Variants in PSMG2 observed in about 807,000 individuals in gnomAD.
PSMG2 encodes CD40 ligand-activated specific transcript 3.
PSMG2 carries 21 observed loss-of-function variants against 31.5 expected under a neutral mutation model. The ratio of observed to expected loss-of-function variants is 0.67; its 90% confidence interval spans 0.47 to 0.96. PSMG2 has a LOEUF of 0.96. Among genes scored for constraint, PSMG2 ranks in the 40% least tolerant of loss-of-function variants. The pLI is 0.00. For synonymous variants in PSMG2, 120 were observed against 110.4 expected, an observed-to-expected ratio of 1.09 and a Z score of -0.54; for missense variants, 318 against 321.2, an observed-to-expected ratio of 0.99 and a Z score of 0.08.
intron 1 of PSMG2, among the ~76,000 whole-genome samples, chr18:12,666,724 C>T (rs2144951189): frequency 6.6e-6 from 1 of 151,378 alleles, no homozygotes; most frequent in East Asian, 1.9e-4. Context: ...GGTGGAATTA[C>T]AGGCTTCAGT....
intron 2 of PSMG2, among the ~76,000 whole-genome samples, chr18:12,709,904 G>A (rs1052234726): frequency 2.6e-5 from 4 of 151,894 alleles, no homozygotes; most frequent in African/African-American, 7.3e-5. Context: ...CCAAAGTGCC[G>A]GAATTACAGG....
At chr18:12,709,362 C>T (rs1023391880) in intron 2 of PSMG2, among the ~76,000 whole-genome samples, 14 of 144,944 alleles carry the variant, frequency 9.7e-5, no homozygotes, top group African/African-American at 2.6e-4. Flanking sequence ...AGTCTCACTC[C>T]GTCACACAGG....
chr18:12,690,948 C>CA (rs1555646011), intron 1 of PSMG2, among the ~76,000 whole-genome samples: 1 of 151,346 alleles, frequency 6.6e-6, no homozygotes, highest in East Asian at 2.0e-4. Context: ...AGCCCCCCCC[C>CA]GTTCTGCACA....
chr18:12,686,812 T>C (rs1000163509), intron 1 of PSMG2: 18 of 164,802 alleles, frequency 1.1e-4, no homozygotes, highest in Non-Finnish European at 4.0e-5. Context: ...CATTACCATA[T>C]AGAATTTAAC....
At chr18:12,717,025 C>A (rs570894627) in intron 3 of PSMG2, among the ~76,000 whole-genome samples, 78 of 148,122 alleles carry the variant, frequency 5.3e-4, no homozygotes, top group Non-Finnish European at 1.1e-3. Context: ...CTATGGCTCA[C>A]TACAGCCCTG....
At chr18:12,723,342 C>T (rs1469633318) in intron 5 of PSMG2, among the ~76,000 whole-genome samples, 2 of 151,912 alleles carry the variant, frequency 1.3e-5, no homozygotes, top group Admixed American at 6.6e-5. Flanking sequence ...TAGCTTGAGG[C>T]GTTTATAGTA....
chr18:12,673,112 AG>A, intron 1 of PSMG2: 1 of 1,051,930 alleles, frequency 9.5e-7, no homozygotes, highest in South Asian at 3.4e-5. Context: ...TAAACAAAGT[AG>A]CATTTATTAA....
intron 1 of PSMG2, among the ~76,000 whole-genome samples, chr18:12,689,723 T>C (rs932084697): frequency 1.3e-5 from 2 of 152,086 alleles, no homozygotes; most frequent in African/African-American, 2.4e-5. Flanking sequence ...CACGTGGCAA[T>C]GAATAAATGC....
At chr18:12,678,009 A>G in intron 1 of PSMG2, 1 of 859,092 alleles carries the variant, frequency 1.2e-6, no homozygotes, top group Non-Finnish European at 1.8e-6. Flanking sequence ...TGTTTTGTTC[A>G]GGGCTAGAAT....
At chr18:12,725,006 A>G (rs942297942) in intron 6 of PSMG2, 1 of 278,058 alleles carries the variant, frequency 3.6e-6, no homozygotes, top group South Asian at 1.3e-4. Context: ...ATTACAGTTG[A>G]TATTTTTCTC....
chr18:12,725,432 AT>A lies in PSMG2; in HGVS notation c.703-5del. On this transcript the variant is annotated splice_polypyrimidine_tract_variant and splice_region_variant and intron_variant, in intron 6 of 6. Coordinates refer to ENST00000317615, the MANE Select transcript of PSMG2 (RefSeq NM_020232.5). ...AAAGATTAAAATATTTTGTTCTTCA[AT>A]TACAGAGCGATGACCCCACAGTATC... 1.3e-6 allele frequency: 2 copies of A among 1,559,398 alleles called. No homozygotes were observed. Among genetic ancestry groups the A allele is most frequent in the Non-Finnish European group, 1.8e-6 (2 of 1,135,966 alleles).
At position 12,725,527 on chromosome 18, in the gene PSMG2, T is replaced by G. The variant is rs755800581; in HGVS notation, c.791T>G (p.Phe264Cys). Residue 264 changes from phenylalanine to cysteine, a missense_variant, in exon 7 of 7, where the codon TTC (phenylalanine) becomes TGC (cysteine). Physicochemically the swap from Phe to Cys is radical, Grantham distance 205. Coordinates refer to ENST00000317615, the MANE Select transcript of PSMG2 (RefSeq NM_020232.5). ...GGCAGTGGTCTTCCCCCTGCACTTT[T>G]CTGATCTAATTTCTGTTTTATACCT... The part of the protein sequence containing the change: ...LFGSGLPPAL[F>C] 1.9e-6 allele frequency: 3 copies of G among 1,581,824 alleles called. No individual in the cohort carries two copies. The highest frequency in any genetic ancestry group is 2.6e-6 in the Non-Finnish European group (3 of 1,151,752).
chr18:12,666,904 T>C (rs2038815687), intron 1 of PSMG2, among the ~76,000 whole-genome samples: 1 of 152,104 alleles, frequency 6.6e-6, no homozygotes, highest in Non-Finnish European at 1.5e-5. Flanking sequence ...TATTAATATA[T>C]TGACAAAAAA....
upstream of PSMG2, chr18:12,698,770 G>A: frequency 1.8e-6 from 1 of 559,988 alleles, no homozygotes; most frequent in East Asian, 2.9e-5. Flanking sequence ...AATGAAAACA[G>A]TCAAAAAATA....
intron 1 of PSMG2, among the ~76,000 whole-genome samples, chr18:12,704,286 A>C (rs1287472355): frequency 1.3e-5 from 2 of 152,172 alleles, no homozygotes; most frequent in Non-Finnish European, 2.9e-5. Context: ...TATAATATAT[A>C]TTCAGTCATT....
At position 12,669,032 on chromosome 18, in the gene PSMG2, CTTTTTTTTT is replaced by C. The variant is rs71174122; in HGVS notation, c.-37+10277_-37+10285del. Among the ~76,000 whole-genome samples the C allele has an allele frequency of 2.4e-3, 101 of 41,958 alleles. 4 individuals carry two copies. The highest frequency in any genetic ancestry group is 3.7e-3 in the Non-Finnish European group (69 of 18,900). 27.5% of individuals were successfully genotyped at this position (41,958 alleles called of 152,430 possible). On this transcript the variant is annotated intron_variant, in intron 1 of 6. Transcript: ENST00000585331. Reference sequence around the variant, plus strand: ...GGCTTGAGCTACCGCACCCCCCGCACTTTTTTTTTTTTTTTTTTTTTTTTTTGAGACAGA... The same window carrying C: ...GGCTTGAGCTACCGCACCCCCCGCACTTTTTTTTTTTTTTTTTGAGACAGA...
upstream of PSMG2, among the ~76,000 whole-genome samples, chr18:12,701,959 T>C (rs2040168836): frequency 6.6e-6 from 1 of 151,946 alleles, no homozygotes; most frequent in Non-Finnish European, 1.5e-5. Flanking sequence ...TGAAACCGTC[T>C]CTACTAAAAA....
rs984375948 is a variant in PSMG2 at position 12,686,570 on chromosome 18, G to C, written c.-36-19980G>C. ...ATACCATTGATCGAGTGCTTACCTT[G>C]TATCCAGTATTTGGCTGCAAAGTGC... is the stretch of plus-strand genomic sequence containing the variant. On this transcript the variant is annotated intron_variant, in intron 1 of 6. Transcript: ENST00000585331. 9.1e-5 allele frequency: 65 copies of C among 710,388 alleles called. No homozygotes were observed. In the Middle Eastern group the frequency reaches 2.0e-3, roughly 22 times the overall value. 44.0% of individuals were successfully genotyped at this position (710,388 alleles called of 1,614,324 possible).
rs913086228 is a variant in PSMG2, at chr18:12,706,552, A to G, written c.60A>G (p.Pro20=). 6.2e-7 allele frequency: 1 copy of G among 1,613,352 alleles called. No homozygotes were observed. The highest frequency in any genetic ancestry group is 1.3e-5 in the African/African-American group (1 of 75,038). The change falls in exon 2 of 7, where the codon CCA becomes CCG. Residue 20 remains proline (P), a splice_region_variant and synonymous_variant. Transcript: ENST00000317615. ...PDLAGFTLLM[P]AVSVGNVGQL... Reference sequence around the variant, plus strand: ...GAACATATCTTTTATAATTTCAGCCAGCAGTATCTGTTGGAAATGTTGGCC... The same window carrying G: ...GAACATATCTTTTATAATTTCAGCCGGCAGTATCTGTTGGAAATGTTGGCC...
Sources: gnomAD v4.1 joint callset for allele counts (sites outside exome capture counted in the v4.1 genomes callset) on GRCh38, gnomAD v4.1.1 for gene constraint, MANE v1.5 for transcripts, NCBI Gene and HGNC (gene_info 2026-07-23, HGNC 2026-07-21) for gene names.